SOX6: variants seen among roughly 807,000 people sequenced by gnomAD.
The protein encoded by SOX6 is transcription factor SOX-6.
In SOX6, 11 loss-of-function variants were observed where a neutral mutation model predicts 97.8. The observed-to-expected ratio is 0.11, with a 90% CI of 0.07 to 0.19. The LOEUF is 0.19. Ranked by LOEUF, SOX6 falls within the 10% of genes least tolerant of loss-of-function variation. The probability of loss-of-function intolerance (pLI) is 1.00; values close to 1 mark genes in which losing one functional copy is unlikely to be tolerated. For synonymous variants in SOX6, 360 were observed against 371.4 expected (o/e 0.97, Z 0.35); for missense variants, 810 against 1,039.5 (o/e 0.78, Z 3.04).
intron 11 of SOX6, among the ~76,000 whole-genome samples, chr11:16,047,902 C>T (rs1855885397): frequency 6.6e-6 from 1 of 151,834 alleles, no homozygotes; most frequent in East Asian, 1.9e-4. Context: ...CTTTTTGGTC[C>T]CACAGCTTTT....
chr11:16,100,106 G>C (rs1427036800), intron 7 of SOX6, among the ~76,000 whole-genome samples: 1 of 151,676 alleles, frequency 6.6e-6, no homozygotes, highest in East Asian at 1.9e-4. Flanking sequence ...GTGAAGTTTA[G>C]TTTTTTAATA....
At chr11:16,247,971 T>C (rs935317515) in intron 3 of SOX6, among the ~76,000 whole-genome samples, 2 of 152,068 alleles carry the variant, frequency 1.3e-5, no homozygotes, top group African/African-American at 4.8e-5. Flanking sequence ...ACTTCCTAGA[T>C]AAAATAGGGG....
intron 4 of SOX6, among the ~76,000 whole-genome samples, chr11:16,536,656 G>A (rs1036272910): frequency 6.6e-6 from 1 of 152,262 alleles, no homozygotes; most frequent in Non-Finnish European, 1.5e-5. Context: ...TCCCTCCCAT[G>A]TGTGGCTCGG....
chr11:16,515,981 T>A (rs952167563), intron 4 of SOX6, among the ~76,000 whole-genome samples: 4 of 151,866 alleles, frequency 2.6e-5, no homozygotes, highest in Non-Finnish European at 5.9e-5. Context: ...GCAGGTAGTG[T>A]GATGCCTCCA....
chr11:16,416,094 A>G (rs1858921588), intron 1 of SOX6, among the ~76,000 whole-genome samples: 1 of 152,328 alleles, frequency 6.6e-6, no homozygotes, highest in Non-Finnish European at 1.5e-5. Context: ...TTAGCACCAC[A>G]GTAGGCTAAT....
intron 2 of SOX6, among the ~76,000 whole-genome samples, chr11:16,728,567 A>T (rs776960318): frequency 6.6e-6 from 1 of 152,182 alleles, no homozygotes; most frequent in Non-Finnish European, 1.5e-5. Context: ...ACAGAAACCC[A>T]ATCCGAAGGT....
At chr11:16,346,741 C>T (rs1476280033) in intron 1 of SOX6, among the ~76,000 whole-genome samples, 1 of 152,034 alleles carries the variant, frequency 6.6e-6, no homozygotes, top group South Asian at 2.1e-4. Context: ...AGGACAGTAA[C>T]TATTAGAAGA....
At chr11:16,401,296 T>G (rs1858552148) in intron 1 of SOX6, among the ~76,000 whole-genome samples, 2 of 151,480 alleles carry the variant, frequency 1.3e-5, no homozygotes. Flanking sequence ...TGCTGGAGTT[T>G]GTTGTTGTTG....
chr11:16,594,147 C>T (rs1848184079), intron 4 of SOX6, among the ~76,000 whole-genome samples: 1 of 152,104 alleles, frequency 6.6e-6, no homozygotes, highest in Non-Finnish European at 1.5e-5. Context: ...TCATGCCCTA[C>T]ATAAGAATAT....
chr11:16,045,875 C>T (rs1855813441), intron 12 of SOX6, among the ~76,000 whole-genome samples: 1 of 152,146 alleles, frequency 6.6e-6, no homozygotes, highest in Non-Finnish European at 1.5e-5. Context: ...TTATTGACTT[C>T]CTGCCATTAC....
chr11:16,514,713 C>T (rs1471591142), intron 4 of SOX6, among the ~76,000 whole-genome samples: 1 of 122,366 alleles, frequency 8.2e-6, no homozygotes, highest in Admixed American at 1.0e-4. Flanking sequence ...CACCCCACAA[C>T]AGTCCCCAGA....
chr11:16,564,365 C>A (rs896481579), intron 4 of SOX6, among the ~76,000 whole-genome samples: 37 of 152,250 alleles, frequency 2.4e-4, no homozygotes, highest in African/African-American at 7.9e-4. Context: ...AAGGTTCTTA[C>A]ACTTGATGCA....
chr11:16,409,651 C>T (rs17463551), intron 1 of SOX6, among the ~76,000 whole-genome samples: 8,561 of 151,816 alleles, frequency 0.056, 304 homozygotes, highest in Non-Finnish European at 0.085. Flanking sequence ...CACGGTTATC[C>T]TAAATGGTTC....
At chr11:16,400,768 C>T (rs1858533971) in intron 1 of SOX6, among the ~76,000 whole-genome samples, 1 of 151,440 alleles carries the variant, frequency 6.6e-6, no homozygotes, top group Non-Finnish European at 1.5e-5. Flanking sequence ...CATGTTCTTT[C>T]TTCTCATACA....
chr11:16,368,740 C>T (rs1857426128), intron 1 of SOX6, among the ~76,000 whole-genome samples: 1 of 151,848 alleles, frequency 6.6e-6, no homozygotes. Flanking sequence ...TGGATTTCAT[C>T]AAATTAAAAA....
At chr11:16,132,397 AGAAAAAAGAAAGAAAGAAAG>A (rs1564972296) in intron 6 of SOX6, among the ~76,000 whole-genome samples, 13 of 82,950 alleles carry the variant, frequency 1.6e-4, no homozygotes, top group Non-Finnish European at 2.3e-4. Flanking sequence ...AAAGAAAGAA[AGAAAAAAGAAAGAAAGAAAG>A]AAAGAAAGAA....
rs565485558 is a variant in SOX6, at chr11:16,429,961, G to A, written c.-5+46354C>T. Among the ~76,000 whole-genome samples the A allele has an allele frequency of 5.3e-5, 8 of 152,108 alleles. No homozygotes were observed. The South Asian group carries it at 1.3e-3, about 24-fold the overall frequency. On this transcript the variant is annotated intron_variant, in intron 1 of 15. Transcript: ENST00000396356. Reference sequence around the variant, plus strand: ...GACCTTGGGCAAGTCACTTCACTTCGGTATGTTTTCAATTTGCTCAACTAT... The same window carrying A: ...GACCTTGGGCAAGTCACTTCACTTCAGTATGTTTTCAATTTGCTCAACTAT...
intron 7 of SOX6, 89 bp from the exon 8 acceptor site, chr11:16,097,777 C>T: frequency 1.7e-6 from 2 of 1,208,710 alleles, no homozygotes; most frequent in Non-Finnish European, 2.5e-6. Flanking sequence ...ATTGCCTGAG[C>T]TTTACAACAT....
chr11:16,449,169 A>T (rs1859667547), intron 1 of SOX6, among the ~76,000 whole-genome samples: 1 of 152,132 alleles, frequency 6.6e-6, no homozygotes, highest in African/African-American at 2.4e-5. Context: ...TAAGTAGAAG[A>T]TATACAATGA....
Sources: gnomAD v4.1 joint callset for allele counts (sites outside exome capture counted in the v4.1 genomes callset) on GRCh38, gnomAD v4.1.1 for gene constraint, MANE v1.5 for transcripts, NCBI Gene and HGNC (gene_info 2026-07-23, HGNC 2026-07-21) for gene names.